The following SYT6 variants were observed in gnomAD, a reference collection of about 807,000 sequenced individuals.
SYT6 encodes synaptotagmin-6.
Under a neutral mutation model 38.4 loss-of-function variants are expected in SYT6, and 24 were observed. The ratio of observed to expected loss-of-function variants is 0.62; its 90% CI spans 0.45 to 0.88. The LOEUF is 0.88. SYT6 is among the 40% of genes least tolerant of loss of function. The probability of loss-of-function intolerance (pLI) is 0.00; values close to 1 mark genes in which losing one functional copy is unlikely to be tolerated. For synonymous variants in SYT6, 265 were observed against 241.9 expected (o/e 1.10, Z -0.89); for missense variants, 611 against 621.0 (o/e 0.98, Z 0.17).
At chr1:114,138,113 A>T (rs1417228893) in intron 2 of SYT6, 60 bp from the exon 3 acceptor site, 14 of 1,510,212 alleles carry the variant, frequency 9.3e-6, no homozygotes, top group Non-Finnish European at 1.2e-5. Flanking sequence ...AAGGGGGATG[A>T]AGGCAAACAC....
chr1:114,093,753 G>A lies in SYT6; in HGVS notation c.*33C>T. The A allele has an allele frequency of 6.2e-7, 1 of 1,613,996 alleles. No homozygotes were observed. Among genetic ancestry groups the A allele is most frequent in the Non-Finnish European group, 8.5e-7 (1 of 1,179,968 alleles). On this transcript the variant is annotated 3_prime_UTR_variant, in exon 7 of 8. Transcript: ENST00000610222. ...TACTTACTCCTAACTCCAGGTGGCA[G>A]TCTCTCTGCTTGCAGCATCCACGTG...
intron 3 of SYT6, among the ~76,000 whole-genome samples, chr1:114,133,449 C>G (rs564536874): frequency 6.6e-6 from 1 of 152,174 alleles, no homozygotes; most frequent in Non-Finnish European, 1.5e-5. Context: ...AAATCTACAG[C>G]TTTATTTAGA....
intron 3 of SYT6, among the ~76,000 whole-genome samples, chr1:114,107,590 C>T (rs561477245): frequency 6.6e-6 from 1 of 152,314 alleles, no homozygotes; most frequent in South Asian, 2.1e-4. Flanking sequence ...TTCACTGTTC[C>T]CCTGCACACA....
chr1:114,137,369 G>T, intron 3 of SYT6, 126 bp downstream of exon 3: 1 of 1,144,604 alleles, frequency 8.7e-7, no homozygotes, highest in Non-Finnish European at 1.2e-6. Context: ...GCAGTTTCCA[G>T]AGTCCCTCTT....
intron 3 of SYT6, among the ~76,000 whole-genome samples, chr1:114,126,145 G>T (rs549044711): frequency 1.0e-3 from 153 of 152,268 alleles, no homozygotes; most frequent in African/African-American, 3.5e-3. Context: ...TTGGAGCCCA[G>T]ATTTGCATTG....
At chr1:114,141,395 A>G (rs74377329) in intron 1 of SYT6, among the ~76,000 whole-genome samples, 3,366 of 152,364 alleles carry the variant, frequency 0.022, 47 homozygotes, top group Middle Eastern at 0.034. Context: ...CTCTTAAGCC[A>G]AAGCCTAATC....
intron 3 of SYT6, among the ~76,000 whole-genome samples, chr1:114,108,997 G>A (rs1676504929): frequency 7.1e-6 from 1 of 141,564 alleles, no homozygotes; most frequent in Non-Finnish European, 1.5e-5. Context: ...GTTCCCCAGG[G>A]GTTGTGGGAG....
intron 3 of SYT6, among the ~76,000 whole-genome samples, chr1:114,119,085 C>A (rs934491564): frequency 6.6e-6 from 1 of 152,204 alleles, no homozygotes; most frequent in South Asian, 2.1e-4. Context: ...GGATTCCCAG[C>A]CAAGCCCCTT....
intron 3 of SYT6, among the ~76,000 whole-genome samples, chr1:114,124,716 A>C (rs1214301989): frequency 6.6e-6 from 1 of 152,184 alleles, no homozygotes; most frequent in Non-Finnish European, 1.5e-5. Context: ...AGAAGGGACT[A>C]TGATCATATA....
rs1250797952 is a variant in SYT6 at position 114,097,720 on chromosome 1, C to T, written c.1515+7G>A. 1 of 1,613,792 alleles carries T rather than the reference C, an allele frequency of 6.2e-7. No individual in the cohort carries two copies. The highest frequency in any genetic ancestry group is 1.7e-5 in the Admixed American group (1 of 60,006). On this transcript the variant is annotated splice_region_variant and intron_variant, in intron 6 of 7. Coordinates refer to ENST00000610222, the MANE Select transcript of SYT6 (RefSeq NM_001253772.2). ...AAACATGCCAAGGGCCAGGTGACCT[C>T]ACCCACCTCTTTGAAGGATTTCTTT...
intron 1 of SYT6, among the ~76,000 whole-genome samples, chr1:114,147,285 C>A (rs1679202169): frequency 6.6e-6 from 1 of 152,128 alleles, no homozygotes; most frequent in Admixed American, 6.5e-5. Context: ...AGCTGGTGAA[C>A]AGGAATGAAT....
chr1:114,103,518 C>G, intron 4 of SYT6, 83 bp downstream of exon 4: 11 of 1,562,334 alleles, frequency 7.0e-6, no homozygotes, highest in Middle Eastern at 1.7e-4. Flanking sequence ...AGAATGCTGA[C>G]AATTCTTTCT....
chr1:114,106,170 A>T (rs1676300461), intron 3 of SYT6, among the ~76,000 whole-genome samples: 1 of 152,142 alleles, frequency 6.6e-6, no homozygotes, highest in Admixed American at 6.5e-5. Context: ...CTGAGGTGTA[A>T]AGAGAAGCCC....
intron 1 of SYT6, among the ~76,000 whole-genome samples, chr1:114,140,571 A>G (rs1174410218): frequency 6.6e-6 from 1 of 152,146 alleles, no homozygotes; most frequent in Non-Finnish European, 1.5e-5. Flanking sequence ...AATCTCTTTA[A>G]GGGCAAGGAT....
chr1:114,153,608 A>G lies in SYT6; in HGVS notation c.163+2T>C. 1 of 597,470 alleles carries G rather than the reference A, an allele frequency of 1.7e-6. No individual in the cohort carries two copies. The highest frequency in any genetic ancestry group is 2.6e-4 in the Middle Eastern group (1 of 3,896). The allele number at this position is 597,470 out of a possible 1,614,324, so 37.0% of individuals were successfully genotyped here. On this transcript the variant is annotated splice_donor_variant, in intron 1 of 7. Transcript: ENST00000610222. LOFTEE classifies it high-confidence loss of function. ...GGGAGGGGGCCCTGGGTCTCCCGTT[A>G]CCTGCGCCTGCCGCGCTGGGACTCC...
Position 114,148,057 on chromosome 1 carries a change from G to A in SYT6, c.163+5553C>T, listed in dbSNP as rs1020698869. ...GATCCCCTTCAAGGCCATCAGGATA[G>A]GATCTGCTTGTCACCTTAAATGAGA... On this transcript the variant is annotated intron_variant, in intron 1 of 7. Coordinates refer to ENST00000610222, the MANE Select transcript of SYT6 (RefSeq NM_001253772.2). 9.2e-5 allele frequency among the ~76,000 whole-genome samples: 14 copies of A among 152,306 alleles called. No individual in the cohort carries two copies. The South Asian group carries it at 1.2e-3, about 14-fold the overall frequency.
intron 3 of SYT6, among the ~76,000 whole-genome samples, chr1:114,105,455 A>ACC (rs56144101): frequency 2.7e-5 from 4 of 146,008 alleles, no homozygotes; most frequent in South Asian, 2.2e-4. Context: ...GAAAAAAGTC[A>ACC]CCCCCCAAAT....
intron 3 of SYT6, among the ~76,000 whole-genome samples, chr1:114,129,616 C>CTTT (rs767321115): frequency 0.064 from 3,743 of 58,348 alleles, 68 homozygotes; most frequent in African/African-American, 0.094. Context: ...TTCTTTCTTT[C>CTTT]CTTTCTTTCT....
chr1:114,131,745 G>C (rs1678171048), intron 3 of SYT6, among the ~76,000 whole-genome samples: 1 of 152,152 alleles, frequency 6.6e-6, no homozygotes, highest in South Asian at 2.1e-4. Flanking sequence ...TCAATGAATA[G>C]CTATTAAACT....
Sources: gnomAD v4.1 joint callset for allele counts (sites outside exome capture counted in the v4.1 genomes callset) on GRCh38, gnomAD v4.1.1 for gene constraint, MANE v1.5 for transcripts, NCBI Gene and HGNC (gene_info 2026-07-23, HGNC 2026-07-21) for gene names.